EYS: variants seen among roughly 807,000 people sequenced by gnomAD.
EYS encodes protein eyes shut homolog.
A neutral mutation model predicts 282.1 loss-of-function variants in EYS; 250 were observed. The observed-to-expected ratio is 0.89, with a 90% CI of 0.80 to 0.98. EYS has a LOEUF of 0.98. Among genes scored for constraint, EYS ranks in the 50% least tolerant of loss-of-function variants. The pLI, the probability that EYS is intolerant of heterozygous loss-of-function variation, is 0.00. For synonymous variants in EYS, 1,355 were observed against 1,282.9 expected (o/e 1.06, Z -1.20); for missense variants, 4,016 against 3,709.0 (o/e 1.08, Z -2.15).
intron 31 of EYS, among the ~76,000 whole-genome samples, chr6:64,223,539 C>T (rs1313521834): frequency 2.0e-5 from 3 of 151,996 alleles, no homozygotes; most frequent in African/African-American, 7.2e-5. Flanking sequence ...TGCTGTGGTA[C>T]ATTTTCTGTA....
intron 12 of EYS, among the ~76,000 whole-genome samples, chr6:65,124,238 A>T (rs1438083308): frequency 2.6e-5 from 4 of 152,174 alleles, no homozygotes; most frequent in Non-Finnish European, 4.4e-5. Flanking sequence ...GGGACTTTGT[A>T]GACCTCCTAC....
At chr6:65,648,346 GTGTGTA>G (rs1466206141) in intron 1 of EYS, among the ~76,000 whole-genome samples, 2 of 145,390 alleles carry the variant, frequency 1.4e-5, no homozygotes, top group African/African-American at 5.1e-5. Flanking sequence ...GTGTGTGTGT[GTGTGTA>G]TACCATAGAA....
chr6:65,161,098 C>A (rs980215618), intron 12 of EYS, among the ~76,000 whole-genome samples: 5 of 151,036 alleles, frequency 3.3e-5, no homozygotes, highest in Admixed American at 1.3e-4. Flanking sequence ...TTTAGATTAT[C>A]ATGTAAGTCT....
intron 30 of EYS, among the ~76,000 whole-genome samples, chr6:64,303,829 A>C (rs1769326877): frequency 8.9e-6 from 1 of 111,896 alleles, no homozygotes; most frequent in Admixed American, 9.4e-5. Context: ...CGACAGAGCG[A>C]AACTCCGTCT....
At chr6:64,705,846 G>A (rs1280951817) in intron 22 of EYS, among the ~76,000 whole-genome samples, 2 of 103,556 alleles carry the variant, frequency 1.9e-5, no homozygotes, top group East Asian at 7.3e-4. Flanking sequence ...AGGGAGGGGG[G>A]AGGGGGGAGG....
At chr6:64,103,459 CTACT>C (rs1388698096) in intron 31 of EYS, among the ~76,000 whole-genome samples, 1 of 152,054 alleles carries the variant, frequency 6.6e-6, no homozygotes, top group African/African-American at 2.4e-5. Context: ...ATATAATTAG[CTACT>C]TATACCAGGA....
At chr6:64,317,943 C>CTG (rs1307183970) in intron 29 of EYS, among the ~76,000 whole-genome samples, 1 of 152,044 alleles carries the variant, frequency 6.6e-6, no homozygotes, top group Non-Finnish European at 1.5e-5. Flanking sequence ...AAACCAAACA[C>CTG]TGTATGTCCT....
At position 64,438,326 on chromosome 6, in the gene EYS, C is replaced by T. The variant is rs562189078; in HGVS notation, c.5835+836G>A. On this transcript the variant is annotated intron_variant, in intron 27 of 42. Coordinates refer to ENST00000503581, the MANE Select transcript of EYS (RefSeq NM_001142800.2). ...TTACATTGCTAAAAATTACAACACA[C>T]ATTTTTAAAATACAAAAATACATAA... 1.1e-4 allele frequency among the ~76,000 whole-genome samples: 17 copies of T among 151,802 alleles called. No homozygotes were observed. The South Asian group carries it at 2.7e-3, about 24-fold the overall frequency.
At chr6:65,093,434 C>T (rs994790622) in intron 12 of EYS, among the ~76,000 whole-genome samples, 2 of 151,844 alleles carry the variant, frequency 1.3e-5, no homozygotes, top group Non-Finnish European at 2.9e-5. Flanking sequence ...GACAAAAGTA[C>T]TAAGCATAAC....
intron 2 of EYS, among the ~76,000 whole-genome samples, chr6:65,629,238 G>T (rs1766826622): frequency 6.6e-6 from 1 of 152,168 alleles, no homozygotes; most frequent in African/African-American, 2.4e-5. Flanking sequence ...ATCATTAAAA[G>T]AATAGTATGT....
intron 28 of EYS, among the ~76,000 whole-genome samples, chr6:64,402,278 T>C (rs1179117106): frequency 6.6e-6 from 1 of 152,212 alleles, no homozygotes; most frequent in Non-Finnish European, 1.5e-5. Flanking sequence ...GATTGTATGA[T>C]ATTTATGTTT....
chr6:64,782,470 C>A (rs1303743346), intron 22 of EYS, among the ~76,000 whole-genome samples: 2 of 152,218 alleles, frequency 1.3e-5, no homozygotes, highest in African/African-American at 4.8e-5. Flanking sequence ...TACTGCCCAT[C>A]TTTTAAGGAC....
chr6:65,510,027 A>G (rs1234453949), intron 2 of EYS, among the ~76,000 whole-genome samples: 1 of 144,582 alleles, frequency 6.9e-6, no homozygotes, highest in Non-Finnish European at 1.5e-5. Flanking sequence ...TTCTTTTTTT[A>G]ATTATTATTA....
At chr6:64,648,224 C>CT (rs1227306749) in intron 22 of EYS, among the ~76,000 whole-genome samples, 3 of 152,146 alleles carry the variant, frequency 2.0e-5, no homozygotes, top group African/African-American at 7.2e-5. Context: ...AGCTGAGCTC[C>CT]TTGCCCTCCC....
intron 31 of EYS, among the ~76,000 whole-genome samples, chr6:64,083,081 G>C (rs1050937525): frequency 2.0e-5 from 3 of 151,904 alleles, no homozygotes; most frequent in Admixed American, 6.6e-5. Context: ...GCTAACTTTT[G>C]TATTTTTAGT....
chr6:65,311,091 A>C (rs1010112707), intron 11 of EYS, among the ~76,000 whole-genome samples: 14 of 152,134 alleles, frequency 9.2e-5, no homozygotes, highest in Non-Finnish European at 1.6e-4. Context: ...ATAAAAGAAA[A>C]TAAGTATATC....
chr6:65,480,335 G>A (rs1033600744), intron 5 of EYS, among the ~76,000 whole-genome samples: 2 of 152,014 alleles, frequency 1.3e-5, no homozygotes, highest in Non-Finnish European at 2.9e-5. Flanking sequence ...GAGCCATATT[G>A]GCTTTCAATG....
rs1016157680 is a variant in EYS, at chr6:64,300,474, G to T, written c.6191+6496C>A. ...AGACCTCTTTCTGATAATGGCCACTGTTGTTATTTCTCCCTTACTCCTAAA... is the reference window on the plus strand; with the variant it reads ...AGACCTCTTTCTGATAATGGCCACTTTTGTTATTTCTCCCTTACTCCTAAA... On this transcript the variant is annotated intron_variant, in intron 30 of 42. Transcript: ENST00000503581. Among the ~76,000 whole-genome samples the T allele has an allele frequency of 2.6e-5, 4 of 151,064 alleles. No homozygotes were observed. In the South Asian group the frequency reaches 6.6e-4, roughly 25 times the overall value.
intron 12 of EYS, among the ~76,000 whole-genome samples, chr6:65,195,470 T>G (rs1444368620): frequency 6.6e-6 from 1 of 152,040 alleles, no homozygotes; most frequent in East Asian, 1.9e-4. Flanking sequence ...TAACATACAA[T>G]TTCATTGTCA....
Sources: allele counts gnomAD v4.1 joint callset (sites outside exome capture counted in the v4.1 genomes callset), GRCh38; gene constraint gnomAD v4.1.1; transcripts MANE v1.5; gene names NCBI Gene and HGNC (gene_info 2026-07-23, HGNC 2026-07-21).